GLMN: variants seen among roughly 807,000 people sequenced by gnomAD.
GLMN encodes glomulin, FKBP associated protein.
A neutral mutation model predicts 87.8 loss-of-function variants in GLMN; 75 were observed. That is an observed-to-expected ratio of 0.85 (90% CI 0.71 to 1.04). GLMN has a LOEUF of 1.04. Among genes scored for constraint, GLMN ranks in the 50% least tolerant of loss-of-function variants. The pLI is 0.00. For synonymous variants in GLMN, 206 were observed against 221.6 expected (o/e 0.93, Z 0.63); for missense variants, 588 against 658.8 (o/e 0.89, Z 1.18).
At chr1:92,337,289 T>C in the GLMN span, among the ~76,000 whole-genome samples, 1 of 152,156 alleles carries the variant, frequency 6.6e-6, no homozygotes, top group Admixed American at 6.5e-5. Context: ...TTTCTTGGCA[T>C]AGTCAGCTGT....
chr1:92,353,758 G>A, the GLMN span, among the ~76,000 whole-genome samples: 56 of 152,070 alleles, frequency 3.7e-4, no homozygotes, highest in East Asian at 9.5e-3. Flanking sequence ...ATTTCTATAC[G>A]TTCCCATACT....
intron 7 of GLMN, among the ~76,000 whole-genome samples, chr1:92,276,497 ACC>A (rs1647311002): frequency 1.3e-5 from 2 of 152,076 alleles, no homozygotes; most frequent in South Asian, 4.2e-4. Flanking sequence ...CCCCATCTCT[ACC>A]CAAAATACAA....
At position 92,247,922 on chromosome 1, in the gene GLMN, T is replaced by A. The variant is rs766022940; in HGVS notation, c.1541A>T (p.Asn514Ile). ...NFLKPLHIGL[N>I]MSKAHYEAEI... ...TGCTTCATAATGTGCTTTTGACATA[T>A]TAAGTCCTATATGAAGTGGCTTTAA... is the stretch of plus-strand genomic sequence containing the variant. The change falls in exon 17 of 19, where the codon AAT (asparagine) becomes ATT (isoleucine). Residue 514 changes from asparagine to isoleucine, a missense_variant. Transcript: ENST00000370360. The A allele has an allele frequency of 7.1e-7, 1 of 1,415,806 alleles. No individual in the cohort carries two copies. Among genetic ancestry groups the A allele is most frequent in the East Asian group, 2.3e-5 (1 of 43,822 alleles). 87.7% of individuals were successfully genotyped at this position (1,415,806 alleles called of 1,614,324 possible).
At chr1:92,266,396 A>C (rs376808180) in intron 13 of GLMN, 23 bp downstream of exon 13, 47 of 1,202,090 alleles carry the variant, frequency 3.9e-5, no homozygotes, top group Non-Finnish European at 5.5e-5. Flanking sequence ...CACACTTAGC[A>C]ATTAGCCATG....
At chr1:92,317,678 A>C in the GLMN span, among the ~76,000 whole-genome samples, 3 of 152,124 alleles carry the variant, frequency 2.0e-5, no homozygotes, top group Non-Finnish European at 4.4e-5. Context: ...TATACCTAAA[A>C]ATGTATTAAA....
intron 16 of GLMN, among the ~76,000 whole-genome samples, chr1:92,248,792 C>T (rs1653030027): frequency 6.6e-6 from 1 of 152,066 alleles, no homozygotes; most frequent in Non-Finnish European, 1.5e-5. Context: ...CATGTCTATG[C>T]TGAATAATTG....
At chr1:92,299,281 G>T, upstream of GLMN, 1 of 462,188 alleles carries the variant, frequency 2.2e-6, no homozygotes, top group Non-Finnish European at 3.9e-6. Flanking sequence ...TAGGCCGAAA[G>T]CTTCCCACCG....
upstream of GLMN, chr1:92,300,229 G>C: frequency 6.2e-7 from 1 of 1,608,970 alleles, no homozygotes; most frequent in East Asian, 2.2e-5. Context: ...ACAAGAAGAT[G>C]CTTCTAAAAG....
chr1:92,290,707 A>G (rs1649308512), intron 4 of GLMN, among the ~76,000 whole-genome samples: 1 of 152,174 alleles, frequency 6.6e-6, no homozygotes, highest in African/African-American at 2.4e-5. Flanking sequence ...CTGACTGGCC[A>G]TATCTTATCA....
chr1:92,272,093 C>G (rs1656301121), intron 7 of GLMN, among the ~76,000 whole-genome samples: 1 of 152,216 alleles, frequency 6.6e-6, no homozygotes, highest in Non-Finnish European at 1.5e-5. Flanking sequence ...TAAATGTGGT[C>G]CCTGGCTGAC....
At chr1:92,274,143 G>A (rs1656563024) in intron 7 of GLMN, among the ~76,000 whole-genome samples, 1 of 152,126 alleles carries the variant, frequency 6.6e-6, no homozygotes, top group Admixed American at 6.5e-5. Flanking sequence ...AGACTGCTAC[G>A]TGCATCCTTA....
chr1:92,342,447 A>G, the GLMN span, among the ~76,000 whole-genome samples: 3 of 152,208 alleles, frequency 2.0e-5, no homozygotes, highest in Non-Finnish European at 4.4e-5. Context: ...TACAGACTGT[A>G]TAGGCCTTGT....
At chr1:92,303,429 G>A, upstream of GLMN, among the ~76,000 whole-genome samples, 1 of 152,114 alleles carries the variant, frequency 6.6e-6, no homozygotes, top group African/African-American at 2.4e-5. Flanking sequence ...GATGTCAAAG[G>A]AAAATATTTG....
At chr1:92,355,597 A>T in the GLMN span, among the ~76,000 whole-genome samples, 1 of 152,204 alleles carries the variant, frequency 6.6e-6, no homozygotes, top group Non-Finnish European at 1.5e-5. Context: ...TTCTATGGAA[A>T]GATTTCAGAG....
the GLMN span, chr1:92,363,715 C>A: frequency 5.6e-6 from 2 of 358,616 alleles, no homozygotes; most frequent in Non-Finnish European, 1.1e-5. Flanking sequence ...TCAGCCTACT[C>A]AATGTGAAGA....
intron 7 of GLMN, among the ~76,000 whole-genome samples, chr1:92,280,797 T>C (rs563333378): frequency 2.0e-5 from 3 of 152,132 alleles, no homozygotes; most frequent in Admixed American, 6.5e-5. Context: ...CTGAAAACCA[T>C]GGCACGAGAA....
chr1:92,342,746 G>A, the GLMN span, among the ~76,000 whole-genome samples: 1 of 152,132 alleles, frequency 6.6e-6, no homozygotes, highest in Non-Finnish European at 1.5e-5. Context: ...TTTGGTGACT[G>A]GCTGGACATG....
intron 7 of GLMN, among the ~76,000 whole-genome samples, chr1:92,280,838 C>T (rs536767239): frequency 3.3e-5 from 5 of 152,084 alleles, no homozygotes; most frequent in East Asian, 3.9e-4. Context: ...CTTCAATAGC[C>T]GATTTGATCA....
intron 15 of GLMN, among the ~76,000 whole-genome samples, chr1:92,263,267 G>GAAAAA (rs961344771): frequency 6.8e-6 from 1 of 147,858 alleles, no homozygotes; most frequent in Non-Finnish European, 1.5e-5. Flanking sequence ...TGTTCTATAT[G>GAAAAA]AAAAAAAAAA....
Sources: allele counts gnomAD v4.1 joint callset (sites outside exome capture counted in the v4.1 genomes callset), GRCh38; gene constraint gnomAD v4.1.1; transcripts MANE v1.5; gene names NCBI Gene and HGNC (gene_info 2026-07-23, HGNC 2026-07-21).